Variants in DBF4 observed in about 807,000 individuals in gnomAD.
DBF4 encodes the protein protein DBF4 homolog A.
Under a neutral mutation model 76.6 loss-of-function variants are expected in DBF4, and 25 were observed. That is an observed-to-expected ratio of 0.33 (90% confidence interval 0.24 to 0.46). DBF4 has a LOEUF of 0.46. Among genes scored for constraint, DBF4 ranks in the 20% least tolerant of loss-of-function variants. DBF4 has a pLI of 1.00. For synonymous variants in DBF4, 213 were observed against 258.0 expected (o/e 0.83, Z 1.67); for missense variants, 638 against 760.8 (o/e 0.84, Z 1.90).
Position 87,907,545 on chromosome 7 carries a change from A to G in DBF4, c.1407A>G (p.Leu469=), listed in dbSNP as rs1839939861. The G allele has an allele frequency of 8.1e-6, 13 of 1,614,108 alleles. No individual in the cohort carries two copies. In the East Asian group the frequency reaches 2.9e-4, roughly 36 times the overall value. Residue 469 remains leucine (L), a synonymous_variant, in exon 12 of 12, where the codon TTA becomes TTG. Transcript: ENST00000265728. ...TTCTTGACATTTCCGAACACACATTAAGTGAAAATGACTTAGAAGAACTAA... is the reference window on the plus strand; with the variant it reads ...TTCTTGACATTTCCGAACACACATTGAGTGAAAATGACTTAGAAGAACTAA... ...ECILDISEHT[L]SENDLEELRV...
chr7:87,905,171 A>G (rs1330740268), intron 11 of DBF4, among the ~76,000 whole-genome samples: 3 of 152,216 alleles, frequency 2.0e-5, no homozygotes, highest in Non-Finnish European at 2.9e-5. Context: ...CTTTTCCTGT[A>G]AAGAGCCAGA....
In DBF4 at chr7:87,907,309, A is replaced by G; in HGVS notation, c.1171A>G (p.Thr391Ala). Residue 391 changes from threonine to alanine, a missense_variant, in exon 12 of 12, where the codon ACA (threonine) becomes GCA (alanine). Thr to Ala is a moderately conservative substitution (Grantham distance 58). Coordinates refer to ENST00000265728, the MANE Select transcript of DBF4 (RefSeq NM_006716.4). ...SQKDCQEDDT[T>A]VKEQNFLYKE... ...GAAAGATTGCCAGGAAGATGATACA[A>G]CAGTGAAGGAGCAGAATTTCCTGTA... is the stretch of plus-strand genomic sequence containing the variant. 2 of 1,614,064 alleles carry G rather than the reference A, an allele frequency of 1.2e-6. No homozygotes were observed. Among genetic ancestry groups the G allele is most frequent in the Non-Finnish European group, 1.7e-6 (2 of 1,179,948 alleles).
chr7:87,897,149 G>A, intron 7 of DBF4, 145 bp from the exon 8 acceptor site: 1 of 639,286 alleles, frequency 1.6e-6, no homozygotes, highest in Non-Finnish European at 2.7e-6. Context: ...AGGTGATAAT[G>A]GAAGTACCTC....
At position 87,900,292 on chromosome 7, in the gene DBF4, G is replaced by A; in HGVS notation, c.752G>A (p.Ser251Asn). Residue 251 changes from serine to asparagine, a missense_variant, in exon 9 of 12, where the codon AGT becomes AAT. By Grantham distance (46) the Ser-to-Asn change is conservative (BLOSUM62 1). Coordinates refer to ENST00000265728, the MANE Select transcript of DBF4 (RefSeq NM_006716.4). The part of the protein sequence containing the change: ...FINYSIQKPC[S>N]PFDVDKPSSM... ...AATTATTCTATTCAGAAGCCCTGCA[G>A]TCCATTTGATGTAGACAAGCCATCT... is the stretch of plus-strand genomic sequence containing the variant. The A allele has an allele frequency of 6.2e-7, 1 of 1,604,334 alleles. No individual in the cohort carries two copies. Among genetic ancestry groups the A allele is most frequent in the Non-Finnish European group, 8.5e-7 (1 of 1,177,242 alleles).
chr7:87,888,459 T>TAA, intron 6 of DBF4: 4 of 358,310 alleles, frequency 1.1e-5, no homozygotes, highest in African/African-American at 2.2e-5. Context: ...TTAGCATAGC[T>TAA]AACTGGCCTG....
rs1431145984 is a variant in DBF4 at position 87,908,003 on chromosome 7, T to C, written c.1865T>C (p.Phe622Ser). 5.6e-6 allele frequency: 9 copies of C among 1,613,688 alleles called. No individual in the cohort carries two copies. Among genetic ancestry groups the C allele is most frequent in the Non-Finnish European group, 7.6e-6 (9 of 1,179,782 alleles). ...CCGGTACAGTCTTTACTAGACTTGTTTCAGACTAGTGAAGAGAAATCAGAA... is the reference window on the plus strand; with the variant it reads ...CCGGTACAGTCTTTACTAGACTTGTCTCAGACTAGTGAAGAGAAATCAGAA... ...SSPVQSLLDL[F>S]QTSEEKSEFL... is the part of the protein sequence containing the mutation. The change falls in exon 12 of 12, where the codon TTT (phenylalanine) becomes TCT (serine). Residue 622 changes from phenylalanine (F) to serine (S), a missense_variant. By Grantham distance (155) the Phe-to-Ser change is radical (BLOSUM62 -2). Coordinates refer to ENST00000265728, the MANE Select transcript of DBF4 (RefSeq NM_006716.4).
At chr7:87,905,887 C>T (rs763572563) in intron 11 of DBF4, among the ~76,000 whole-genome samples, 14 of 151,842 alleles carry the variant, frequency 9.2e-5, no homozygotes, top group South Asian at 2.1e-4. Context: ...TGTGCCCAGG[C>T]AGGGTGTCTC....
chr7:87,878,263 T>G (rs1303392474), intron 2 of DBF4, 38 bp downstream of exon 2: 1 of 1,494,798 alleles, frequency 6.7e-7, no homozygotes, highest in Non-Finnish European at 9.1e-7. Context: ...AAGGAAAAAT[T>G]TGTAACTAGT....
intron 6 of DBF4, 53 bp downstream of exon 6, chr7:87,888,112 C>G (rs28546778): frequency 1.4e-5 from 21 of 1,501,490 alleles, no homozygotes; most frequent in African/African-American, 2.8e-5. Context: ...TTTTTACTTA[C>G]GTATTTGCAA....
Position 87,879,951 on chromosome 7 carries a change from CA to C in DBF4, c.219+1742del, listed in dbSNP as rs78858917. On this transcript the variant is annotated intron_variant, in intron 2 of 11. Transcript: ENST00000265728. ...ATGAGTGACAGTGAGACCCTATGTC[CA>C]AAAAAAAAAAAAAAAGGTAGCTCAA... Among the ~76,000 whole-genome samples the C allele has an allele frequency of 9.1e-3, 916 of 100,370 alleles. 2 individuals are homozygous for C. The highest frequency in any genetic ancestry group is 0.015 in the African/African-American group (459 of 30,166). 65.8% of individuals were successfully genotyped at this position (100,370 alleles called of 152,430 possible). A position where few individuals can be genotyped will look rare whatever the true frequency, so the allele number is the denominator to read the frequency against.
chr7:87,899,803 C>T (rs1021196390), intron 8 of DBF4, among the ~76,000 whole-genome samples: 8 of 152,112 alleles, frequency 5.3e-5, no homozygotes, highest in Non-Finnish European at 8.8e-5. Flanking sequence ...GAAGCATCTA[C>T]GTTAGTCAAA....
At chr7:87,888,410 C>A in intron 6 of DBF4, 1 of 740,504 alleles carries the variant, frequency 1.4e-6, no homozygotes, top group Non-Finnish European at 1.6e-6. Context: ...TATGTACTAT[C>A]CTTTTCAACT....
chr7:87,904,446 ATTC>A, intron 11 of DBF4, 30 bp downstream of exon 11: 1 of 1,594,650 alleles, frequency 6.3e-7, no homozygotes, highest in Non-Finnish European at 8.6e-7. Context: ...TAAGTTTTAA[ATTC>A]TACTAGGCGG....
intron 10 of DBF4, 91 bp downstream of exon 10, chr7:87,900,969 T>TA (rs1190549577): frequency 1.2e-5 from 13 of 1,106,334 alleles, no homozygotes; most frequent in Non-Finnish European, 1.7e-5. Context: ...GCAGATATTT[T>TA]ACATTTTAAG....
Position 87,908,982 on chromosome 7 carries a change from C to CT in DBF4, c.*820dup, listed in dbSNP as rs1469620012. On this transcript the variant is annotated 3_prime_UTR_variant, in exon 12 of 12. Coordinates refer to ENST00000265728, the MANE Select transcript of DBF4 (RefSeq NM_006716.4). ...TAGTCCCAGCTACTCCCTCCAGAGG[C>CT]TGAGAATTGCTTGAACCTGGGAAGT... 2.0e-5 allele frequency: 3 copies of CT among 152,146 alleles called. No homozygotes were observed. The highest frequency in any genetic ancestry group is 4.4e-5 in the Non-Finnish European group (3 of 68,062). 9.4% of individuals were successfully genotyped at this position (152,146 alleles called of 1,614,324 possible). A position where few individuals can be genotyped will look rare whatever the true frequency, so the allele number is the denominator to read the frequency against.
At chr7:87,886,926 C>T in intron 4 of DBF4, 32 bp downstream of exon 4, 1 of 1,387,634 alleles carries the variant, frequency 7.2e-7, no homozygotes, top group Non-Finnish European at 9.9e-7. Flanking sequence ...TCACATTGTA[C>T]ATTTTGTTAT....
rs755686476 is a variant in DBF4 at position 87,908,063 on chromosome 7, G to T, written c.1925G>T (p.Gly642Val). 1.3e-5 allele frequency: 21 copies of T among 1,613,560 alleles called. No homozygotes were observed. In the South Asian group the frequency reaches 2.2e-4, roughly 17 times the overall value. ...LGFTSYTEKS[G>V]ICNVLDIWEE... is the part of the protein sequence containing the mutation. ...TTCACAAGCTACACAGAAAAGAGTG[G>T]TATATGCAATGTTTTAGATATTTGG... Residue 642 changes from glycine (G) to valine (V), a missense_variant, in exon 12 of 12, where the codon GGT (glycine) becomes GTT (valine). Physicochemically the swap from Gly to Val is moderately radical, Grantham distance 109 (BLOSUM62 -3). Coordinates refer to ENST00000265728, the MANE Select transcript of DBF4 (RefSeq NM_006716.4).
At chr7:87,880,270 T>A (rs558004408) in intron 2 of DBF4, among the ~76,000 whole-genome samples, 1 of 152,316 alleles carries the variant, frequency 6.6e-6, no homozygotes, top group South Asian at 2.1e-4. Flanking sequence ...TTGAATTACT[T>A]CTGCCATACA....
rs1562763354 is a variant in DBF4, at chr7:87,896,355, C to T, written c.598-119C>T. ...ATAGTTTTTTTTAACAAAGAATAAT[C>T]CTTCTTTGATATAGCACTTTTCTGC... On this transcript the variant is annotated intron_variant, in intron 6 of 11. Transcript: ENST00000265728. The T allele has an allele frequency of 8.2e-6, 6 of 729,980 alleles. No individual in the cohort carries two copies. The South Asian group carries it at 8.6e-5, about 11-fold the overall frequency. 45.2% of individuals were successfully genotyped at this position (729,980 alleles called of 1,614,324 possible). A position where few individuals can be genotyped will look rare whatever the true frequency, so the allele number is the denominator to read the frequency against.
Sources: gnomAD v4.1 joint callset for allele counts (sites outside exome capture counted in the v4.1 genomes callset) on GRCh38, gnomAD v4.1.1 for gene constraint, MANE v1.5 for transcripts, NCBI Gene and HGNC (gene_info 2026-07-23, HGNC 2026-07-21) for gene names.